ARHGEF10: variants seen among roughly 807,000 people sequenced by gnomAD.
The protein encoded by ARHGEF10 is Rho guanine nucleotide exchange factor (GEF) 10.
ARHGEF10 carries 140 observed loss-of-function variants against 147.4 expected under a neutral mutation model. The ratio of observed to expected loss-of-function variants is 0.95; its 90% CI spans 0.83 to 1.09. The LOEUF (loss-of-function observed/expected upper bound fraction) is 1.09. Ranked by LOEUF, ARHGEF10 falls within the 50% of genes least tolerant of loss-of-function variation. ARHGEF10 has a pLI of 0.00. For missense variants in ARHGEF10, 2,222 were observed against 1,752.7 expected (o/e 1.27, Z -4.78); for synonymous variants, 902 against 695.8 (o/e 1.30, Z -4.67).
At chr8:1,860,522 C>T (rs2129076411) in intron 4 of ARHGEF10, among the ~76,000 whole-genome samples, 1 of 152,206 alleles carries the variant, frequency 6.6e-6, no homozygotes, top group African/African-American at 2.4e-5. Context: ...CTGACCTTCC[C>T]CCTGCCCCCA....
chr8:1,866,471 C>A, intron 5 of ARHGEF10, 55 bp from the exon 6 acceptor site: 1 of 1,530,484 alleles, frequency 6.5e-7, no homozygotes, highest in Non-Finnish European at 9.0e-7. Flanking sequence ...AGTTGGCATC[C>A]TAGTGACTTG....
chr8:1,909,190 C>A, intron 17 of ARHGEF10, 105 bp from the exon 18 acceptor site: 1 of 1,469,378 alleles, frequency 6.8e-7, no homozygotes, highest in Non-Finnish European at 9.5e-7. Flanking sequence ...TGAAGAGTTA[C>A]AATTCAGCAG....
chr8:1,955,013 C>G (rs549715845), intron 28 of ARHGEF10, among the ~76,000 whole-genome samples: 3 of 145,886 alleles, frequency 2.1e-5, no homozygotes, highest in African/African-American at 7.7e-5. Flanking sequence ...CAGGTGCTCC[C>G]TGAAAGGAGG....
chr8:1,938,977 C>T (rs1223051006), intron 26 of ARHGEF10, among the ~76,000 whole-genome samples: 2 of 145,616 alleles, frequency 1.4e-5, no homozygotes, highest in Admixed American at 1.4e-4. Context: ...GGAATCCCAG[C>T]CCCCAGAGAC....
intron 1 of ARHGEF10, among the ~76,000 whole-genome samples, chr8:1,841,123 G>C (rs1044206441): frequency 2.6e-5 from 4 of 152,252 alleles, no homozygotes; most frequent in Admixed American, 2.0e-4. Context: ...TAGCCTTCGC[G>C]TCAGCCAGCT....
chr8:1,906,863 C>T (rs1810935364), intron 17 of ARHGEF10, among the ~76,000 whole-genome samples: 1 of 152,236 alleles, frequency 6.6e-6, no homozygotes, highest in Non-Finnish European at 1.5e-5. Context: ...TGCTTTTCAT[C>T]ATCGTCAGTG....
intron 17 of ARHGEF10, among the ~76,000 whole-genome samples, chr8:1,905,982 T>C (rs909736616): frequency 3.9e-5 from 6 of 152,258 alleles, no homozygotes; most frequent in African/African-American, 1.2e-4. Context: ...AGAAACTCAA[T>C]TGAATTTCTT....
At chr8:1,890,204 G>GT (rs111364364) in intron 11 of ARHGEF10, among the ~76,000 whole-genome samples, 4 of 127,120 alleles carry the variant, frequency 3.1e-5, no homozygotes, top group African/African-American at 9.4e-5. Context: ...TAGGGTGAGG[G>GT]TTGTGAAGAG....
At chr8:1,886,838 AT>A (rs1456612866) in intron 11 of ARHGEF10, among the ~76,000 whole-genome samples, 2 of 152,108 alleles carry the variant, frequency 1.3e-5, no homozygotes, top group Non-Finnish European at 1.5e-5. Context: ...GTCGTGTCTG[AT>A]CTCAGTCTCT....
At chr8:1,863,073 G>A (rs548798592) in intron 4 of ARHGEF10, among the ~76,000 whole-genome samples, 11 of 152,216 alleles carry the variant, frequency 7.2e-5, no homozygotes, top group South Asian at 4.1e-4. Flanking sequence ...ATGAGCCACC[G>A]CGGCCAGCTG....
chr8:1,873,938 A>C lies in ARHGEF10; in HGVS notation c.680-2633A>C, dbSNP rs147148254. 9.2e-3 allele frequency among the ~76,000 whole-genome samples: 1,393 copies of C among 152,222 alleles called. 16 individuals are homozygous for C. The highest frequency in any genetic ancestry group is 0.013 in the Non-Finnish European group (863 of 68,010). On this transcript the variant is annotated intron_variant, in intron 7 of 28. Coordinates refer to ENST00000349830, the MANE Select transcript of ARHGEF10 (RefSeq NM_014629.4). ...TCAGCACGTAGGACTGAGTGGCATT[A>C]GGTACGCTCACTGTACAGCCAATGC...
intron 2 of ARHGEF10, among the ~76,000 whole-genome samples, chr8:1,852,585 T>A (rs1805233199): frequency 6.6e-6 from 1 of 152,186 alleles, no homozygotes; most frequent in South Asian, 2.1e-4. Flanking sequence ...CAGCAGCATT[T>A]CGAAGATTGG....
At chr8:1,931,277 AT>A (rs1242744813) in intron 25 of ARHGEF10, among the ~76,000 whole-genome samples, 2 of 151,916 alleles carry the variant, frequency 1.3e-5, no homozygotes, top group African/African-American at 2.4e-5. Context: ...TATAATCTGG[AT>A]TTTTTTCTGT....
intron 1 of ARHGEF10, among the ~76,000 whole-genome samples, chr8:1,833,312 A>G (rs142126284): frequency 1.7e-4 from 16 of 94,456 alleles, no homozygotes; most frequent in Admixed American, 1.1e-3. Context: ...AGGCAGAGAC[A>G]GAAGCAGAGG....
chr8:1,944,954 C>T (rs1050384486), intron 26 of ARHGEF10, among the ~76,000 whole-genome samples: 5 of 152,270 alleles, frequency 3.3e-5, no homozygotes, highest in African/African-American at 1.2e-4. Flanking sequence ...CTGGGATGCA[C>T]TTTCGGAGCT....
At chr8:1,908,921 C>T (rs993027774) in intron 17 of ARHGEF10, among the ~76,000 whole-genome samples, 6 of 152,168 alleles carry the variant, frequency 3.9e-5, no homozygotes, top group Non-Finnish European at 8.8e-5. Flanking sequence ...TGAGAGTTAA[C>T]TCTTATGAAA....
intron 11 of ARHGEF10, among the ~76,000 whole-genome samples, chr8:1,890,872 C>G (rs200781346): frequency 1.3e-5 from 2 of 152,090 alleles, no homozygotes; most frequent in Non-Finnish European, 2.9e-5. Flanking sequence ...ATTTGCTCAG[C>G]GAATTGGCAG....
At chr8:1,955,701 C>A (rs1815509564) in intron 28 of ARHGEF10, among the ~76,000 whole-genome samples, 1 of 152,228 alleles carries the variant, frequency 6.6e-6, no homozygotes, top group South Asian at 2.1e-4. Flanking sequence ...AGGACGTGCA[C>A]TCACTGTGTT....
intron 26 of ARHGEF10, among the ~76,000 whole-genome samples, chr8:1,940,828 A>G (rs866210031): frequency 5.3e-5 from 8 of 152,230 alleles, no homozygotes; most frequent in Non-Finnish European, 2.9e-5. Context: ...CGTGAAAATC[A>G]ATCAGTGGAA....
Sources: allele counts gnomAD v4.1 joint callset (sites outside exome capture counted in the v4.1 genomes callset), GRCh38; gene constraint gnomAD v4.1.1; transcripts MANE v1.5; gene names NCBI Gene and HGNC (gene_info 2026-07-23, HGNC 2026-07-21).